The following GEN1 variants were observed in gnomAD, a reference collection of about 807,000 sequenced individuals.
GEN1 encodes GEN1 structure-specific endonuclease.
A neutral mutation model predicts 67.6 loss-of-function variants in GEN1; 64 were observed. The observed-to-expected ratio is 0.95, with a 90% confidence interval of 0.77 to 1.17. The LOEUF is 1.17. Among genes scored for constraint, GEN1 ranks in the 50% most tolerant of loss-of-function variants. The pLI, the probability that GEN1 is intolerant of heterozygous loss-of-function variation, is 0.00. For synonymous variants in GEN1, 371 were observed against 359.4 expected, an observed-to-expected ratio of 1.03 and a Z score of -0.37; for missense variants, 1,058 against 1,048.3, an observed-to-expected ratio of 1.01 and a Z score of -0.13.
At chr2:17,778,096 TATA>T (rs771689253) in intron 12 of GEN1, 33 bp downstream of exon 12, 2 of 1,224,916 alleles carry the variant, frequency 1.6e-6, no homozygotes, top group African/African-American at 3.0e-5. Context: ...ATATTCCATT[TATA>T]ATATTTGACC....
chr2:17,781,905 GC>G lies in GEN1; in HGVS notation c.2695del (p.Gln899ArgfsTer3). The G allele has an allele frequency of 6.4e-7, 1 of 1,566,580 alleles. No individual in the cohort carries two copies. The highest frequency in any genetic ancestry group is 1.2e-5 in the South Asian group (1 of 83,146). On this transcript the variant is annotated frameshift_variant, in exon 14 of 14. Transcript: ENST00000381254. LOFTEE classifies it high-confidence loss of function. ...GTCLDSPLPLRQRLKLRFQST is the reference protein window; with the variant it reads ...GTCLDSPLPLXQRLKLRFQST ...TGTTTGGATAGCCCTCTTCCTTTAC[GC>G]CAGAGATTAAAACTAAGATTCCAAA... is the stretch of plus-strand genomic sequence containing the variant.
intron 5 of GEN1, among the ~76,000 whole-genome samples, chr2:17,767,626 T>C (rs1205752457): frequency 6.6e-6 from 1 of 152,170 alleles, no homozygotes. Flanking sequence ...TAAATAAAAT[T>C]ATATCATAAT....
intron 12 of GEN1, among the ~76,000 whole-genome samples, chr2:17,779,547 A>G (rs1162641496): frequency 6.6e-6 from 1 of 152,216 alleles, no homozygotes; most frequent in African/African-American, 2.4e-5. Flanking sequence ...TTTGCAATGA[A>G]TAGTTCATTT....
Position 17,781,774 on chromosome 2 carries a change from C to A in GEN1, c.2562C>A (p.Val854=). The change falls in exon 14 of 14, where the codon GTC becomes GTA. Residue 854 remains valine, a synonymous_variant. Transcript: ENST00000381254. The part of the protein sequence containing the change: ...KIHIKETEQC[V]RSYETAENEE... ...ATATTAAAGAAACTGAACAGTGTGT[C>A]AGATCTTATGAAACAGCTGAAAATG... 6.2e-7 allele frequency: 1 copy of A among 1,612,754 alleles called. No individual in the cohort carries two copies. Among genetic ancestry groups the A allele is most frequent in the South Asian group, 1.1e-5 (1 of 90,736 alleles).
At chr2:17,762,106 A>C (rs16983832) in intron 3 of GEN1, among the ~76,000 whole-genome samples, 5,540 of 151,028 alleles carry the variant, frequency 0.037, 299 homozygotes, top group African/African-American at 0.11. Flanking sequence ...TAATATTGCT[A>C]TATTTTATAT....
rs1054024217 is a variant in GEN1 at position 17,787,722 on chromosome 2, G to C, written c.*5783G>C. 14 of 152,254 alleles carry C rather than the reference G, an allele frequency of 9.2e-5. No homozygotes were observed. The highest frequency in any genetic ancestry group is 3.4e-4 in the African/African-American group (14 of 41,412). The allele number at this position is 152,254 out of a possible 1,614,324, so 9.4% of individuals were successfully genotyped here. On this transcript the variant is annotated 3_prime_UTR_variant, in exon 14 of 14. Coordinates refer to ENST00000381254, the MANE Select transcript of GEN1 (RefSeq NM_001130009.3). Reference sequence around the variant, plus strand: ...GCAGATTGCCTGAGGTCAGGAGTTCGAGACCAACCTGGCCAACATGGTGAA... The same window carrying C: ...GCAGATTGCCTGAGGTCAGGAGTTCCAGACCAACCTGGCCAACATGGTGAA...
At position 17,758,510 on chromosome 2, in the gene GEN1, A is replaced by G. The variant is rs777138356; in HGVS notation, c.-15-1419A>G. On this transcript the variant is annotated intron_variant, in intron 1 of 13. Transcript: ENST00000381254. ...TCCAGAATTAACCACAACTTTTCACAGTAACTGAATTAATGCCACAATGGT... is the reference window on the plus strand; with the variant it reads ...TCCAGAATTAACCACAACTTTTCACGGTAACTGAATTAATGCCACAATGGT... Among the ~76,000 whole-genome samples, 3 of 152,242 alleles carry G rather than the reference A, an allele frequency of 2.0e-5. No individual in the cohort carries two copies. The East Asian group carries it at 5.8e-4, about 29-fold the overall frequency.
rs775481145 is a variant in GEN1, at chr2:17,786,810, C to T, written c.*4871C>T. The T allele has an allele frequency of 7.2e-5, 11 of 152,036 alleles. No homozygotes were observed. The highest frequency in any genetic ancestry group is 3.3e-4 in the Admixed American group (5 of 15,262). The allele number at this position is 152,036 out of a possible 1,614,324, so 9.4% of individuals were successfully genotyped here. On this transcript the variant is annotated 3_prime_UTR_variant, in exon 14 of 14. Transcript: ENST00000381254. ...GATGAGGGCAGGGACTAAGTCCTTT[C>T]TGTTCACAGAATTCTAGAACAGTGT...
intron 5 of GEN1, 81 bp from the exon 6 acceptor site, chr2:17,768,657 G>A (rs543754539): frequency 1.7e-4 from 171 of 999,722 alleles, no homozygotes; most frequent in Non-Finnish European, 2.4e-4. Flanking sequence ...TTCAGCTGCT[G>A]ACTCTTCCGT....
At position 17,778,293 on chromosome 2, in the gene GEN1, T is replaced by TATATACACACAC. The variant is rs1672598237; in HGVS notation, c.1264+230_1264+231insATATACACACAC. On this transcript the variant is annotated intron_variant, in intron 12 of 13. Transcript: ENST00000381254. Reference sequence around the variant, plus strand: ...ACATATATGTATATACACACACATGTGTGTGTACATATATGTATATACACA... The same window carrying TATATACACACAC: ...ACATATATGTATATACACACACATGTATATACACACACGTGTGTACATATATGTATATACACA... 2.4e-5 allele frequency among the ~76,000 whole-genome samples: 3 copies of TATATACACACAC among 122,764 alleles called. 1 individual carries two copies. The highest frequency in any genetic ancestry group is 1.0e-4 in the African/African-American group (3 of 29,738). 80.5% of individuals were successfully genotyped at this position (122,764 alleles called of 152,430 possible). A position where few individuals can be genotyped will look rare whatever the true frequency, so the allele number is the denominator to read the frequency against.
At chr2:17,759,122 A>C (rs1359624789) in intron 1 of GEN1, among the ~76,000 whole-genome samples, 63 of 152,218 alleles carry the variant, frequency 4.1e-4, no homozygotes, top group Non-Finnish European at 2.9e-5. Flanking sequence ...TTCTGGAATG[A>C]ATGAAGGTCA....
chr2:17,771,564 A>G (rs1672191443), intron 7 of GEN1, among the ~76,000 whole-genome samples: 1 of 152,146 alleles, frequency 6.6e-6, no homozygotes, highest in Admixed American at 6.6e-5. Context: ...CTATGTTTTC[A>G]ATATAGAAAT....
chr2:17,781,187 C>A lies in GEN1; in HGVS notation c.1975C>A (p.His659Asn). The change falls in exon 14 of 14, where the codon CAT (histidine) becomes AAT (asparagine). Residue 659 changes from histidine (H) to asparagine (N), a missense_variant. Physicochemically the swap from His to Asn is moderately conservative, Grantham distance 68. Coordinates refer to ENST00000381254, the MANE Select transcript of GEN1 (RefSeq NM_001130009.3). Reference protein sequence around the residue: ...EDSDGISPEEHLLSGITDLCL... With the variant: ...EDSDGISPEENLLSGITDLCL... ...TTCTGATGGGATTAGTCCTGAAGAG[C>A]ATCTACTTTCTGGCATTACTGATTT... 1 of 1,613,788 alleles carries A rather than the reference C, an allele frequency of 6.2e-7. No homozygotes were observed. The highest frequency in any genetic ancestry group is 8.5e-7 in the Non-Finnish European group (1 of 1,179,772).
At chr2:17,769,120 A>G (rs764821414) in intron 6 of GEN1, among the ~76,000 whole-genome samples, 1 of 152,152 alleles carries the variant, frequency 6.6e-6, no homozygotes, top group African/African-American at 2.4e-5. Flanking sequence ...GCCGGAGTCA[A>G]GTGATCCTCC....
rs759874288 is a variant in GEN1, at chr2:17,764,944, T to TG, written c.400dup (p.Glu134GlyfsTer3). 7 of 1,614,142 alleles carry TG rather than the reference T, an allele frequency of 4.3e-6. No homozygotes were observed. Among genetic ancestry groups the TG allele is most frequent in the Non-Finnish European group, 5.9e-6 (7 of 1,179,992 alleles). ...TAGGAATCCCCTGGGTTCAGGCTGC[T>TG]GGGGAAGCTGAAGCCATGTGTGCTT... On this transcript the variant is annotated frameshift_variant, in exon 4 of 14. Coordinates refer to ENST00000381254, the MANE Select transcript of GEN1 (RefSeq NM_001130009.3). LOFTEE classifies it high-confidence loss of function.
chr2:17,765,677 C>T (rs1419301339), intron 4 of GEN1, among the ~76,000 whole-genome samples: 1 of 152,136 alleles, frequency 6.6e-6, no homozygotes, highest in African/African-American at 2.4e-5. Context: ...ATTAGCACCC[C>T]CATTGAGAAA....
At position 17,781,199 on chromosome 2, in the gene GEN1, G is replaced by A. The variant is rs1672813747; in HGVS notation, c.1987G>A (p.Gly663Ser). The A allele has an allele frequency of 6.2e-7, 1 of 1,613,598 alleles. No homozygotes were observed. The highest frequency in any genetic ancestry group is 8.5e-7 in the Non-Finnish European group (1 of 1,179,662). The change falls in exon 14 of 14, where the codon GGC becomes AGC. Residue 663 changes from glycine to serine, a missense_variant. Transcript: ENST00000381254. The part of the protein sequence containing the change: ...GISPEEHLLS[G>S]ITDLCLQDLP... Reference sequence around the variant, plus strand: ...TAGTCCTGAAGAGCATCTACTTTCTGGCATTACTGATTTATGTCTTCAGGA... The same window carrying A: ...TAGTCCTGAAGAGCATCTACTTTCTAGCATTACTGATTTATGTCTTCAGGA...
At chr2:17,762,986 G>A (rs1671756151) in intron 3 of GEN1, among the ~76,000 whole-genome samples, 1 of 152,136 alleles carries the variant, frequency 6.6e-6, no homozygotes, top group African/African-American at 2.4e-5. Flanking sequence ...TCTTTTAATA[G>A]TAATGTTAAA....
intron 5 of GEN1, among the ~76,000 whole-genome samples, chr2:17,767,872 G>A (rs1174835069): frequency 1.3e-5 from 2 of 152,188 alleles, no homozygotes; most frequent in Non-Finnish European, 2.9e-5. Flanking sequence ...GCTAATACAA[G>A]AAGAATGATA....
Sources: allele counts gnomAD v4.1 joint callset (sites outside exome capture counted in the v4.1 genomes callset), GRCh38; gene constraint gnomAD v4.1.1; transcripts MANE v1.5; gene names NCBI Gene and HGNC (gene_info 2026-07-23, HGNC 2026-07-21).